The following MOV10 variants were observed in gnomAD, a reference collection of about 807,000 sequenced individuals.
The protein encoded by MOV10 is Mov10 RNA helicase.
MOV10 carries 39 observed loss-of-function variants against 108.4 expected under a neutral mutation model. The ratio of observed to expected loss-of-function variants is 0.36; its 90% CI spans 0.28 to 0.47. The LOEUF (loss-of-function observed/expected upper bound fraction) is 0.47, where lower values mean the gene tolerates loss of function less well. Among genes scored for constraint, MOV10 ranks in the 20% least tolerant of loss-of-function variants. The probability of loss-of-function intolerance (pLI) is 1.00; values close to 1 mark genes in which losing one functional copy is unlikely to be tolerated. For synonymous variants in MOV10, 490 were observed against 523.1 expected (o/e 0.94, Z 0.86); for missense variants, 952 against 1,297.6 (o/e 0.73, Z 4.09).
Position 112,698,685 on chromosome 1 carries a change from G to A in MOV10, c.2509-30G>A, listed in dbSNP as rs577760636. On this transcript the variant is annotated intron_variant, in intron 16 of 20. Transcript: ENST00000369645. ...CCCTCTTGCATTAGGTTAATGGCAC[G>A]AGAGAAAGGCACCTGTCCCCTCCTT... 1.7e-5 allele frequency: 28 copies of A among 1,606,838 alleles called. No individual in the cohort carries two copies. The East Asian group carries it at 2.5e-4, about 14-fold the overall frequency.
chr1:112,687,061 C>T (rs1340559449), intron 2 of MOV10: 4 of 456,396 alleles, frequency 8.8e-6, no homozygotes, highest in South Asian at 6.2e-5. Context: ...ACCCACCAAC[C>T]GCAGTGGTTC....
chr1:112,684,743 G>C (rs1214562056), intron 2 of MOV10, among the ~76,000 whole-genome samples: 1 of 152,106 alleles, frequency 6.6e-6, no homozygotes, highest in Admixed American at 6.5e-5. Context: ...AGTCTAATGG[G>C]AATAAAATAA....
chr1:112,696,464 T>G lies in MOV10; in HGVS notation c.1911T>G (p.Asp637Glu), dbSNP rs1294336052. The change falls in exon 13 of 21, where the codon GAT (aspartate) becomes GAG (glutamate). Residue 637 changes from aspartate (D) to glutamate (E), a missense_variant. Coordinates refer to ENST00000369645, the MANE Select transcript of MOV10 (RefSeq NM_001321324.2). ...GRLVSAQFPI[D>E]HFTHIFIDEA... is the part of the protein sequence containing the mutation. ...TGGTCTCGGCCCAGTTTCCCATTGA[T>G]CACTTCACACACATCTTCATCGATG... 1 of 1,613,966 alleles carries G rather than the reference T, an allele frequency of 6.2e-7. No homozygotes were observed. Among genetic ancestry groups the G allele is most frequent in the African/African-American group, 1.3e-5 (1 of 74,878 alleles).
intron 11 of MOV10, 68 bp from the exon 12 acceptor site, chr1:112,696,080 C>T: frequency 9.4e-7 from 1 of 1,063,416 alleles, no homozygotes; most frequent in Non-Finnish European, 1.4e-6. Flanking sequence ...GGGGGGTACC[C>T]ACAGCCAGAA....
At chr1:112,689,361 TC>T in intron 3 of MOV10, 53 bp from the exon 4 acceptor site, 2 of 1,516,790 alleles carry the variant, frequency 1.3e-6, no homozygotes, top group Non-Finnish European at 1.8e-6. Flanking sequence ...CCAGGGTAAC[TC>T]CCCAGTCAGA....
At chr1:112,687,895 C>T (rs966009082) in intron 2 of MOV10, among the ~76,000 whole-genome samples, 6 of 151,940 alleles carry the variant, frequency 3.9e-5, no homozygotes, top group Admixed American at 2.0e-4. Context: ...TCAAGTGGGC[C>T]GCCCCCCTCT....
Position 112,675,339 on chromosome 1 carries a change from C to T in MOV10, c.137+290C>T, listed in dbSNP as rs1349967846. On this transcript the variant is annotated intron_variant, in intron 2 of 20. Coordinates refer to ENST00000369645, the MANE Select transcript of MOV10 (RefSeq NM_001321324.2). This position sits in a 1 kb window ranked among gnomAD's most constrained non-coding sequence, Gnocchi z 4.7. ...GGCCGGAACCCGGGGCCGGGAGCTGCGTCCCGCGTCCATGCGCCGCTCGCG... is the reference window on the plus strand; with the variant it reads ...GGCCGGAACCCGGGGCCGGGAGCTGTGTCCCGCGTCCATGCGCCGCTCGCG... Among the ~76,000 whole-genome samples, 1 of 152,132 alleles carries T rather than the reference C, an allele frequency of 6.6e-6. No homozygotes were observed. Among genetic ancestry groups the T allele is most frequent in the Non-Finnish European group, 1.5e-5 (1 of 68,002 alleles).
intron 10 of MOV10, 149 bp downstream of exon 10, chr1:112,695,045 C>T (rs1233452721): frequency 7.1e-6 from 7 of 988,062 alleles, no homozygotes; most frequent in Middle Eastern, 3.3e-4. Flanking sequence ...TGCAGTGGCT[C>T]ATGCCTGTAA....
In MOV10 at chr1:112,699,884, T is replaced by C. The variant is rs1281811428; in HGVS notation, c.2710-10T>C. Reference sequence around the variant, plus strand: ...TTCCCTCCCATGACCACACCACTTCTTCCTTCCAGAGGTTCAATGTAGCTG... The same window carrying C: ...TTCCCTCCCATGACCACACCACTTCCTCCTTCCAGAGGTTCAATGTAGCTG... On this transcript the variant is annotated splice_polypyrimidine_tract_variant and intron_variant, in intron 18 of 20. Coordinates refer to ENST00000369645, the MANE Select transcript of MOV10 (RefSeq NM_001321324.2). 4.3e-6 allele frequency: 7 copies of C among 1,614,016 alleles called. No homozygotes were observed. Among genetic ancestry groups the C allele is most frequent in the Non-Finnish European group, 5.9e-6 (7 of 1,180,018 alleles).
At chr1:112,686,701 C>T (rs1280000601) in intron 2 of MOV10, among the ~76,000 whole-genome samples, 3 of 152,292 alleles carry the variant, frequency 2.0e-5, no homozygotes, top group Non-Finnish European at 4.4e-5. Flanking sequence ...GTCCCTCCAA[C>T]CCCTCCTCCT....
intron 2 of MOV10, among the ~76,000 whole-genome samples, chr1:112,686,000 TG>T (rs1163973026): frequency 2.6e-5 from 4 of 152,194 alleles, no homozygotes; most frequent in African/African-American, 9.7e-5. Context: ...AAGTCAGATC[TG>T]GCCATCCGGG....
At position 112,691,606 on chromosome 1, in the gene MOV10, C is replaced by T. The variant is rs1033022992; in HGVS notation, c.837-59C>T. Reference sequence around the variant, plus strand: ...GCTTTGTGCATCCACCCCAGAGGGGCGTTCTCAGAGTGTTGGAGGGTGAGG... The same window carrying T: ...GCTTTGTGCATCCACCCCAGAGGGGTGTTCTCAGAGTGTTGGAGGGTGAGG... On this transcript the variant is annotated intron_variant, in intron 5 of 20. Coordinates refer to ENST00000369645, the MANE Select transcript of MOV10 (RefSeq NM_001321324.2). The T allele has an allele frequency of 1.2e-5, 19 of 1,580,130 alleles. No homozygotes were observed. In the African/African-American group the frequency reaches 1.9e-4, roughly 16 times the overall value.
At chr1:112,691,403 C>T (rs1187562330) in intron 5 of MOV10, among the ~76,000 whole-genome samples, 2 of 152,124 alleles carry the variant, frequency 1.3e-5, no homozygotes, top group African/African-American at 4.8e-5. Flanking sequence ...TTGGTTATTC[C>T]TGGATGGTAA....
At chr1:112,699,418 G>A (rs1674426292) in intron 17 of MOV10, 1 of 1,274,072 alleles carries the variant, frequency 7.8e-7, no homozygotes, top group Admixed American at 3.7e-5. Context: ...TCACTGCTCT[G>A]AGTTCCCGTG....
intron 14 of MOV10, among the ~76,000 whole-genome samples, chr1:112,697,352 T>C (rs1674199554): frequency 6.6e-6 from 1 of 151,950 alleles, no homozygotes; most frequent in Non-Finnish European, 1.5e-5. Context: ...CACCTGTAAT[T>C]CCAGTTACTT....
chr1:112,700,649 C>G lies in MOV10; in HGVS notation c.*142C>G. On this transcript the variant is annotated 3_prime_UTR_variant, in exon 21 of 21. Transcript: ENST00000369645. ...CAACCCAAGCCATTCCACCCCCTCCCCTGCTGGGGAGAATGACACATCAAG... is the reference window on the plus strand; with the variant it reads ...CAACCCAAGCCATTCCACCCCCTCCGCTGCTGGGGAGAATGACACATCAAG... 1 of 1,538,956 alleles carries G rather than the reference C, an allele frequency of 6.5e-7. No homozygotes were observed. The highest frequency in any genetic ancestry group is 8.7e-7 in the Non-Finnish European group (1 of 1,145,298).
At position 112,696,826 on chromosome 1, in the gene MOV10, C is replaced by A. The variant is rs1315421168; in HGVS notation, c.2178C>A (p.Thr726=). The change falls in exon 14 of 21, where the codon ACC becomes ACA. Residue 726 remains threonine (T), a synonymous_variant. Coordinates refer to ENST00000369645, the MANE Select transcript of MOV10 (RefSeq NM_001321324.2). ...ATGGCTATGACCCCCAGTTCATAAC[C>A]AAGCTGCTCCGCAACTACAGGTATT... ...GPDGYDPQFI[T]KLLRNYRSHP... The A allele has an allele frequency of 1.9e-6, 3 of 1,598,884 alleles. No individual in the cohort carries two copies. The highest frequency in any genetic ancestry group is 1.7e-6 in the Non-Finnish European group (2 of 1,171,692).
At position 112,696,758 on chromosome 1, in the gene MOV10, G is replaced by A; in HGVS notation, c.2110G>A (p.Glu704Lys). 6.2e-7 allele frequency: 1 copy of A among 1,605,628 alleles called. No individual in the cohort carries two copies. The highest frequency in any genetic ancestry group is 8.5e-7 in the Non-Finnish European group (1 of 1,175,864). ...GCATGGACTGGGATACTCACTGCTGGAGCGGCTGCTCACCTACAACTCCCT... is the reference window on the plus strand; with the variant it reads ...GCATGGACTGGGATACTCACTGCTGAAGCGGCTGCTCACCTACAACTCCCT... ...QKHGLGYSLLERLLTYNSLYK... is the reference protein window; with the variant it reads ...QKHGLGYSLLKRLLTYNSLYK... The change falls in exon 14 of 21, where the codon GAG becomes AAG. Residue 704 changes from glutamate to lysine, a missense_variant. By Grantham distance (56) the Glu-to-Lys change is moderately conservative (BLOSUM62 1). Coordinates refer to ENST00000369645, the MANE Select transcript of MOV10 (RefSeq NM_001321324.2).
chr1:112,688,560 T>TG, intron 2 of MOV10: 7 of 1,139,868 alleles, frequency 6.1e-6, no homozygotes, highest in Non-Finnish European at 6.5e-6. Flanking sequence ...CTCTTTCTTC[T>TG]GGGTTGTTTG....
Sources: allele counts gnomAD v4.1 joint callset (sites outside exome capture counted in the v4.1 genomes callset), GRCh38; gene constraint gnomAD v4.1.1; non-coding constraint Gnocchi (gnomAD v3.1); transcripts MANE v1.5; gene names NCBI Gene and HGNC (gene_info 2026-07-23, HGNC 2026-07-21).